Variants in KCTD14 observed in about 807,000 individuals in gnomAD.
KCTD14 encodes BTB/POZ domain-containing protein KCTD14.
In KCTD14, 7 loss-of-function variants were observed where a neutral mutation model predicts 5.9. The observed-to-expected ratio is 1.19, with a 90% CI of 0.68 to 2.23. KCTD14 has a LOEUF of 2.23. Among genes scored for constraint, KCTD14 ranks in the 30% most tolerant of loss-of-function variants. The pLI is 0.00. For missense variants in KCTD14, 342 were observed against 332.2 expected, an observed-to-expected ratio of 1.03 and a Z score of -0.23; for synonymous variants, 140 against 133.1, an observed-to-expected ratio of 1.05 and a Z score of -0.36.
intron 2 of KCTD14, among the ~76,000 whole-genome samples, chr11:78,030,356 C>T (rs977477173): frequency 7.9e-5 from 12 of 152,114 alleles, no homozygotes; most frequent in Non-Finnish European, 1.6e-4. Context: ...GACCAGGAGA[C>T]GAGAGAGCAG....
upstream of KCTD14, among the ~76,000 whole-genome samples, chr11:78,024,487 G>C (rs1339709976): frequency 1.3e-5 from 2 of 148,288 alleles, no homozygotes; most frequent in Non-Finnish European, 3.0e-5. Flanking sequence ...ATTGGTTACA[G>C]TTAAAAAATC....
Position 78,017,255 on chromosome 11 carries a change from C to T in KCTD14, c.106G>A (p.Glu36Lys). ...PRRPTMSTVV[E>K]LNVGGEFHTT... ...TGGAACTCACCCCCGACGTTCAGCT[C>T]CACAACAGTAGACATCTGGGGGCAC... The change falls in exon 2 of 2, where the codon GAG becomes AAG. Residue 36 changes from glutamate to lysine, a missense_variant. Transcript: ENST00000353172. The T allele has an allele frequency of 6.3e-7, 1 of 1,599,046 alleles. No homozygotes were observed.
intron 2 of KCTD14, among the ~76,000 whole-genome samples, chr11:78,036,054 G>A (rs1237076147): frequency 1.3e-5 from 2 of 150,974 alleles, no homozygotes; most frequent in Non-Finnish European, 3.0e-5. Flanking sequence ...AGCTACTTGG[G>A]AGGCTGAGGC....
At position 78,017,080 on chromosome 11, in the gene KCTD14, C is replaced by A; in HGVS notation, c.281G>T (p.Arg94Leu). The A allele has an allele frequency of 6.2e-7, 1 of 1,614,204 alleles. No homozygotes were observed. The highest frequency in any genetic ancestry group is 8.5e-7 in the Non-Finnish European group (1 of 1,180,046). The stretch of plus-strand genomic sequence containing the variant: ...GTGCTGTGTGGGCACTTGCCCAGTG[C>A]GCAGGTAGTCCAGGATGGGTCTGAA... Reference protein sequence around the residue: ...TYFRPILDYLRTGQVPTQHIP... With the variant: ...TYFRPILDYLLTGQVPTQHIP... Residue 94 changes from arginine (R) to leucine (L), a missense_variant, in exon 2 of 2, where the codon CGC (arginine) becomes CTC (leucine). Arg to Leu is a moderately radical substitution (Grantham distance 102). Coordinates refer to ENST00000353172, the MANE Select transcript of KCTD14 (RefSeq NM_023930.4).
chr11:78,039,920 T>G (rs1286485177), intron 1 of KCTD14, among the ~76,000 whole-genome samples: 1 of 152,186 alleles, frequency 6.6e-6, no homozygotes, highest in African/African-American at 2.4e-5. Flanking sequence ...TCCTTCTGTA[T>G]TTTTTCTCTC....
At chr11:78,040,953 A>G (rs1315012605) in intron 1 of KCTD14, among the ~76,000 whole-genome samples, 1 of 152,160 alleles carries the variant, frequency 6.6e-6, no homozygotes, top group Non-Finnish European at 1.5e-5. Flanking sequence ...TATAGGTGTG[A>G]GCCACCGCGC....
chr11:78,038,894 G>C lies in KCTD14; in HGVS notation c.-95-136C>G, dbSNP rs1053493684. ...GGATGGCTACTGCTGCTGTGGTCAC[G>C]GTCAGGCCCGGATGTACCAGGGGCT... On this transcript the variant is annotated intron_variant, in intron 1 of 2. Transcript: ENST00000533144. The C allele has an allele frequency of 4.1e-5, 41 of 1,006,426 alleles. 1 individual carries two copies. The highest frequency in any genetic ancestry group is 3.5e-4 in the South Asian group (22 of 62,774). The allele number at this position is 1,006,426 out of a possible 1,614,324, so 62.3% of individuals were successfully genotyped here. A position where few individuals can be genotyped will look rare whatever the true frequency, so the allele number is the denominator to read the frequency against.
chr11:78,022,055 C>T (rs1857325176), intron 1 of KCTD14, among the ~76,000 whole-genome samples: 1 of 152,312 alleles, frequency 6.6e-6, no homozygotes, highest in Middle Eastern at 3.4e-3. Context: ...AAGTCCTACA[C>T]TACTATACTT....
At chr11:78,045,456 G>A (rs138983110) in intron 1 of KCTD14, among the ~76,000 whole-genome samples, 2 of 152,280 alleles carry the variant, frequency 1.3e-5, no homozygotes, top group Non-Finnish European at 2.9e-5. Context: ...AATAATGGTT[G>A]GCAATCGTTT....
At chr11:78,021,696 G>C (rs1857314139) in intron 1 of KCTD14, among the ~76,000 whole-genome samples, 1 of 152,174 alleles carries the variant, frequency 6.6e-6, no homozygotes, top group African/African-American at 2.4e-5. Flanking sequence ...GGAACTACAG[G>C]CATGAGCTAC....
intron 1 of KCTD14, among the ~76,000 whole-genome samples, chr11:78,017,507 G>T (rs1455579577): frequency 2.0e-5 from 3 of 150,938 alleles, no homozygotes; most frequent in African/African-American, 7.3e-5. Flanking sequence ...GGGTGCAGTG[G>T]TGCAATCTCG....
intron 2 of KCTD14, among the ~76,000 whole-genome samples, chr11:78,033,508 C>G (rs189925314): frequency 7.2e-5 from 11 of 151,896 alleles, no homozygotes; most frequent in Non-Finnish European, 2.9e-5. Context: ...ATGGTGAAAC[C>G]CTGTCTCTAC....
rs560084253 is a variant in KCTD14 at position 78,034,685 on chromosome 11, C to T, written c.-1+3979G>A. On this transcript the variant is annotated intron_variant, in intron 2 of 2. Coordinates refer to the KCTD14 transcript ENST00000533144. ...GGTCCCTTCAGTGCAGAGGTGGGAA[C>T]GGACAGCCCACGTGTTTTCAAGACA... Among the ~76,000 whole-genome samples the T allele has an allele frequency of 2.6e-5, 4 of 152,132 alleles. No individual in the cohort carries two copies. In the East Asian group the frequency reaches 7.7e-4, roughly 29 times the overall value.
chr11:78,030,173 C>A (rs889810425), intron 2 of KCTD14, among the ~76,000 whole-genome samples: 2 of 152,070 alleles, frequency 1.3e-5, no homozygotes, highest in Non-Finnish European at 1.5e-5. Context: ...TTTTTTCCCC[C>A]CCTCCAATTG....
chr11:78,035,697 T>C (rs928031320), intron 2 of KCTD14, among the ~76,000 whole-genome samples: 3 of 151,062 alleles, frequency 2.0e-5, no homozygotes, highest in Non-Finnish European at 2.9e-5. Flanking sequence ...TACAAAAAAT[T>C]AGCTGGCCAT....
Position 78,016,663 on chromosome 11 carries a change from T to C in KCTD14, c.698A>G (p.Tyr233Cys). 1.9e-6 allele frequency: 3 copies of C among 1,614,112 alleles called. No individual in the cohort carries two copies. The highest frequency in any genetic ancestry group is 2.5e-6 in the Non-Finnish European group (3 of 1,180,004). Residue 233 changes from tyrosine to cysteine, a missense_variant, in exon 2 of 2, where the codon TAC (tyrosine) becomes TGC (cysteine). Coordinates refer to ENST00000353172, the MANE Select transcript of KCTD14 (RefSeq NM_023930.4). ...GTTTCTTTTGGTGGGGTACGTCAGG[T>C]AGAACTTGGAGAATACCTTGTACCC... Reference protein sequence around the residue: ...AQGYKVFSKFYLTYPTKRNEF... With the variant: ...AQGYKVFSKFCLTYPTKRNEF...
rs1226498474 is a variant in KCTD14, at chr11:78,023,259, T to C, written c.-10A>G. 1.2e-6 allele frequency: 2 copies of C among 1,608,400 alleles called. No individual in the cohort carries two copies. Among genetic ancestry groups the C allele is most frequent in the Admixed American group, 3.3e-5 (2 of 59,958 alleles). ...CGCAGCCCTGCCACATGCAGATCACTTGGGCCAGCGGAAGTGCCCCTGGCT... is the reference window on the plus strand; with the variant it reads ...CGCAGCCCTGCCACATGCAGATCACCTGGGCCAGCGGAAGTGCCCCTGGCT... On this transcript the variant is annotated 5_prime_UTR_variant, in exon 1 of 2. Transcript: ENST00000353172.
intron 1 of KCTD14, among the ~76,000 whole-genome samples, chr11:78,039,745 CAAA>C (rs35580468): frequency 8.6e-5 from 12 of 138,736 alleles, no homozygotes; most frequent in Non-Finnish European, 9.3e-5. Context: ...GACCCTGTCT[CAAA>C]AAAAAAAAAA....
In KCTD14 at chr11:78,016,744, G is replaced by A. The variant is rs182601195; in HGVS notation, c.617C>T (p.Ala206Val). 54 of 1,614,166 alleles carry A rather than the reference G, an allele frequency of 3.3e-5. No homozygotes were observed. The East Asian group carries it at 4.7e-4, about 14-fold the overall frequency. ...KSVVKFGPWK[A>V]VLDNSDLMHC... ...CATGAGGTCGCTGTTGTCTAGGACC[G>A]CCTTCCAGGGCCCAAACTTGACAAC... Residue 206 changes from alanine to valine, a missense_variant, in exon 2 of 2, where the codon GCG becomes GTG. Coordinates refer to ENST00000353172, the MANE Select transcript of KCTD14 (RefSeq NM_023930.4).
Sources: gnomAD v4.1 joint callset for allele counts (sites outside exome capture counted in the v4.1 genomes callset) on GRCh38, gnomAD v4.1.1 for gene constraint, MANE v1.5 for transcripts, NCBI Gene and HGNC (gene_info 2026-07-23, HGNC 2026-07-21) for gene names.